Variants in NRAP observed in about 807,000 individuals in gnomAD.
NRAP encodes nebulin-related-anchoring protein.
A neutral mutation model predicts 225.9 loss-of-function variants in NRAP; 189 were observed. That is an observed-to-expected ratio of 0.84 (90% confidence interval 0.74 to 0.94). The LOEUF (loss-of-function observed/expected upper bound fraction) is 0.94. NRAP is among the 40% of genes least tolerant of loss of function. The pLI is 0.00. For missense variants in NRAP, 2,176 were observed against 2,168.7 expected (o/e 1.00, Z -0.07); for synonymous variants, 769 against 790.7 (o/e 0.97, Z 0.46).
intron 24 of NRAP, 143 bp downstream of exon 24, chr10:113,621,726 G>A (rs1353920157): frequency 5.7e-6 from 4 of 703,682 alleles, no homozygotes; most frequent in Middle Eastern, 4.0e-4. Context: ...CACTAGCAAA[G>A]TAAAGTGTTG....
At chr10:113,658,833 C>T (rs1850477196) in intron 3 of NRAP, among the ~76,000 whole-genome samples, 1 of 144,288 alleles carries the variant, frequency 6.9e-6, no homozygotes, top group East Asian at 2.0e-4. Context: ...AGTGAGCCGA[C>T]ATCACACCAC....
chr10:113,645,933 G>T lies in NRAP; in HGVS notation c.1002C>A (p.Tyr334Ter), dbSNP rs1268382240. The part of the protein sequence containing the change: ...KAHELASDIK[Y>*]RQDFNKMKGA... ...CTTTCATCTTATTGAAGTCCTGCCT[G>T]TATTTTATCTGAAAAAAAAAACACA... Residue 334 changes from tyrosine (Y) to a stop codon, truncating the protein, a stop_gained, in exon 11 of 42, where the codon TAC becomes TAA. Coordinates refer to ENST00000359988, the MANE Select transcript of NRAP (RefSeq NM_198060.4). LOFTEE classifies it high-confidence loss of function. 7.9e-6 allele frequency: 12 copies of T among 1,516,794 alleles called. No homozygotes were observed. Among genetic ancestry groups the T allele is most frequent in the South Asian group, 1.2e-5 (1 of 82,714 alleles). 94.0% of individuals were successfully genotyped at this position (1,516,794 alleles called of 1,614,324 possible). A position where few individuals can be genotyped will look rare whatever the true frequency, so the allele number is the denominator to read the frequency against.
Position 113,653,028 on chromosome 10 carries a change from T to A in NRAP, c.477A>T (p.Glu159Asp), listed in dbSNP as rs533134495. The A allele has an allele frequency of 1.3e-6, 2 of 1,597,672 alleles. No individual in the cohort carries two copies. Among genetic ancestry groups the A allele is most frequent in the African/African-American group, 1.4e-5 (1 of 69,500 alleles). Residue 159 changes from glutamate to aspartate, a missense_variant, in exon 6 of 42, where the codon GAA becomes GAT. Glu to Asp is a conservative substitution (Grantham distance 45, BLOSUM62 2). Transcript: ENST00000359988. ...CCTTGCCCCTGGGTTGCTCATAGTC[T>A]TCTGTATATTCCTGTTGGTCAGAAC... is the stretch of plus-strand genomic sequence containing the variant. ...ARKSLGEEYT[E>D]DYEQPRGKGS...
At chr10:113,659,264 G>A (rs369888441) in intron 3 of NRAP, among the ~76,000 whole-genome samples, 2 of 151,922 alleles carry the variant, frequency 1.3e-5, no homozygotes, top group South Asian at 2.1e-4. Flanking sequence ...GTACTGGCTC[G>A]GGCATAGCAA....
intron 32 of NRAP, 140 bp downstream of exon 32, chr10:113,608,273 GT>G (rs1215319385): frequency 1.7e-6 from 1 of 593,582 alleles, no homozygotes; most frequent in Non-Finnish European, 3.0e-6. Flanking sequence ...AAATGTTTAG[GT>G]TCCATATAAT....
intron 30 of NRAP, among the ~76,000 whole-genome samples, chr10:113,610,920 T>C (rs1847284905): frequency 6.6e-6 from 1 of 152,154 alleles, no homozygotes; most frequent in Non-Finnish European, 1.5e-5. Flanking sequence ...GTGGAAATGG[T>C]CTAACAGGTC....
chr10:113,608,376 T>TTTAAAAACTGCTCGATTG, intron 32 of NRAP, 38 bp downstream of exon 32: 1 of 1,324,016 alleles, frequency 7.6e-7, no homozygotes, highest in Non-Finnish European at 1.1e-6. Context: ...TCGAGCAGTT[T>TTTAAAAACTGCTCGATTG]TTAAAAAGAC....
chr10:113,635,008 G>A (rs1012174233), intron 14 of NRAP, among the ~76,000 whole-genome samples: 23 of 152,096 alleles, frequency 1.5e-4, no homozygotes, highest in African/African-American at 4.3e-4. Context: ...TAGCACTTTC[G>A]TAGAAGATGC....
In NRAP at chr10:113,632,027, T is replaced by C. The variant is rs1051467832; in HGVS notation, c.1633-63A>G. The C allele has an allele frequency of 8.3e-6, 9 of 1,086,300 alleles. No homozygotes were observed. In the African/African-American group the frequency reaches 1.1e-4, roughly 13 times the overall value. 67.3% of individuals were successfully genotyped at this position (1,086,300 alleles called of 1,614,324 possible). On this transcript the variant is annotated intron_variant, in intron 16 of 41. Transcript: ENST00000359988. ...CCATATTCCTGCCAAACGTCAAAGA[T>C]TTTTTCAAAGCAAAGTTGGATTTTT...
chr10:113,594,227 G>T (rs1405737383), intron 38 of NRAP, among the ~76,000 whole-genome samples: 3 of 152,030 alleles, frequency 2.0e-5, no homozygotes, highest in Non-Finnish European at 4.4e-5. Context: ...GCCCAGGAAG[G>T]TCACTTTCCC....
intron 6 of NRAP, 43 bp from the exon 7 acceptor site, chr10:113,651,950 G>A: frequency 8.0e-7 from 1 of 1,244,756 alleles, no homozygotes; most frequent in Non-Finnish European, 1.2e-6. Flanking sequence ...CCACCTCACA[G>A]CCTCCTCAGT....
At chr10:113,620,463 C>G (rs1246544091) in intron 25 of NRAP, 141 bp downstream of exon 25, 1 of 624,348 alleles carries the variant, frequency 1.6e-6, no homozygotes, top group Non-Finnish European at 2.8e-6. Context: ...CTCTAATTAC[C>G]AGCCCTAGTC....
At chr10:113,589,297 T>C (rs1476171939) in intron 41 of NRAP, 1 of 583,984 alleles carries the variant, frequency 1.7e-6, no homozygotes, top group African/African-American at 1.9e-5. Flanking sequence ...TTCTTTCTTC[T>C]GAACAAAGTA....
Position 113,651,922 on chromosome 10 carries a change from G to T in NRAP, c.571-15C>A. The stretch of plus-strand genomic sequence containing the variant: ...TTATACTCCACCTGATGAGAAGACA[G>T]TAGAGTCAAGGGTGCACCCACCTCA... On this transcript the variant is annotated splice_polypyrimidine_tract_variant and intron_variant, in intron 6 of 41. Coordinates refer to ENST00000359988, the MANE Select transcript of NRAP (RefSeq NM_198060.4). 1 of 1,559,006 alleles carries T rather than the reference G, an allele frequency of 6.4e-7. No individual in the cohort carries two copies. Among genetic ancestry groups the T allele is most frequent in the Non-Finnish European group, 8.8e-7 (1 of 1,130,044 alleles).
intron 35 of NRAP, among the ~76,000 whole-genome samples, chr10:113,602,854 G>A (rs1273560675): frequency 6.6e-6 from 1 of 152,162 alleles, no homozygotes; most frequent in African/African-American, 2.4e-5. Flanking sequence ...CTCAACGGGG[G>A]ATAACTTCGT....
chr10:113,654,898 A>G (rs1850211795), intron 4 of NRAP, among the ~76,000 whole-genome samples: 1 of 151,766 alleles, frequency 6.6e-6, no homozygotes. Flanking sequence ...AATAAATTCC[A>G]GGAATGTAGG....
chr10:113,635,877 G>A (rs3127095), intron 14 of NRAP, among the ~76,000 whole-genome samples: 4 of 151,926 alleles, frequency 2.6e-5, no homozygotes, highest in Middle Eastern at 3.2e-3. Flanking sequence ...ACAAACTGTC[G>A]TGGGGTTCCT....
At chr10:113,647,560 A>AGTGGTACTGTCTCCCCTG (rs1849611642) in intron 9 of NRAP, among the ~76,000 whole-genome samples, 1 of 44,586 alleles carries the variant, frequency 2.2e-5, no homozygotes, top group Non-Finnish European at 5.7e-5. Context: ...TGTCTCCCCC[A>AGTGGTACTGTCTCCCCTG]GTGGTACTGC....
intron 39 of NRAP, 64 bp downstream of exon 39, chr10:113,592,130 A>G: frequency 2.9e-6 from 3 of 1,035,074 alleles, no homozygotes; most frequent in Admixed American, 4.1e-5. Context: ...TTGCCTTTCA[A>G]CAGAACTGGG....
Sources: allele counts gnomAD v4.1 joint callset (sites outside exome capture counted in the v4.1 genomes callset), GRCh38; gene constraint gnomAD v4.1.1; transcripts MANE v1.5; gene names NCBI Gene and HGNC (gene_info 2026-07-23, HGNC 2026-07-21).